The following CYP4F11 variants were observed in gnomAD, a reference collection of about 807,000 sequenced individuals.
The protein encoded by CYP4F11 is cytochrome P450 family 4 subfamily F member 11, also known as cytochrome P450 4F11.
In CYP4F11, 79 loss-of-function variants were observed where a neutral mutation model predicts 62.2. That is an observed-to-expected ratio of 1.27 (90% CI 1.06 to 1.53). CYP4F11 has a LOEUF of 1.53. Ranked by LOEUF, CYP4F11 falls within the 40% of genes most tolerant of loss-of-function variation. The pLI, the probability that CYP4F11 is intolerant of heterozygous loss-of-function variation, is 0.00. For missense variants in CYP4F11, 777 were observed against 680.5 expected, an observed-to-expected ratio of 1.14 and a Z score of -1.58; for synonymous variants, 290 against 263.7, an observed-to-expected ratio of 1.10 and a Z score of -0.97.
In CYP4F11 at chr19:15,922,397, T is replaced by C. The variant is rs372854467; in HGVS notation, c.952A>G (p.Ile318Val). Residue 318 changes from isoleucine to valine, a missense_variant, in exon 7 of 12, where the codon ATA becomes GTA. Coordinates refer to ENST00000402119, the MANE Select transcript of CYP4F11 (RefSeq NM_021187.4). ...ATGAAGGTGTCAGCTTCTGCTCTTA[T>C]GTCCTCATCAGACAATTCCTTCCCA... ...EDGKELSDED[I>V]RAEADTFMFE... is the part of the protein sequence containing the mutation. The C allele has an allele frequency of 2.2e-5, 35 of 1,614,184 alleles. No individual in the cohort carries two copies. In the African/African-American group the frequency reaches 4.3e-4, roughly 20 times the overall value.
chr19:15,917,989 A>G (rs2089595626), intron 8 of CYP4F11, among the ~76,000 whole-genome samples: 1 of 152,216 alleles, frequency 6.6e-6, no homozygotes, highest in Non-Finnish European at 1.5e-5. Flanking sequence ...ATGCATGCAT[A>G]TGTTCATTGC....
At chr19:15,929,333 C>T in intron 2 of CYP4F11, 124 bp downstream of exon 2, 4 of 1,291,556 alleles carry the variant, frequency 3.1e-6, no homozygotes, top group Non-Finnish European at 4.4e-6. Flanking sequence ...AGGAACATGG[C>T]TGAGAGAGAA....
rs549073641 is a variant in CYP4F11, at chr19:15,919,458, G to A, written c.1115+2579C>T. 3.8e-3 allele frequency among the ~76,000 whole-genome samples: 552 copies of A among 146,876 alleles called. 2 individuals carry two copies. Among genetic ancestry groups the A allele is most frequent in the African/African-American group, 0.013 (516 of 39,990 alleles). On this transcript the variant is annotated intron_variant, in intron 8 of 11. Transcript: ENST00000402119. Reference sequence around the variant, plus strand: ...TGGATGGATGGATGGATGGATGAACGGATGGACAGATGTATAGATAGATAG... The same window carrying A: ...TGGATGGATGGATGGATGGATGAACAGATGGACAGATGTATAGATAGATAG...
rs549921395 is a variant in CYP4F11 at position 15,921,129 on chromosome 19, C to A, written c.1115+908G>T. Among the ~76,000 whole-genome samples the A allele has an allele frequency of 8.7e-5, 13 of 149,556 alleles. No individual in the cohort carries two copies. The South Asian group carries it at 2.8e-3, about 32-fold the overall frequency. ...CCCTCTCTCTCTCACTCCCTCTCTCCTCCCTCGACCTTTGCCTAGGCTCTC... is the reference window on the plus strand; with the variant it reads ...CCCTCTCTCTCTCACTCCCTCTCTCATCCCTCGACCTTTGCCTAGGCTCTC... On this transcript the variant is annotated intron_variant, in intron 8 of 11. Transcript: ENST00000402119.
At chr19:15,919,348 T>TGGAA (rs2089605566) in intron 8 of CYP4F11, among the ~76,000 whole-genome samples, 1 of 147,468 alleles carries the variant, frequency 6.8e-6, no homozygotes, top group African/African-American at 2.5e-5. Context: ...GATAGATCGA[T>TGGAA]GGATGGATAG....
At chr19:15,923,184 G>C (rs1372473979) in intron 6 of CYP4F11, among the ~76,000 whole-genome samples, 1 of 150,202 alleles carries the variant, frequency 6.7e-6, no homozygotes, top group Non-Finnish European at 1.5e-5. Context: ...AAACCTACAG[G>C]CATGTCGATC....
At position 15,931,220 on chromosome 19, in the gene CYP4F11, C is replaced by G. The variant is rs143625299; in HGVS notation, c.199-1619G>C. Among the ~76,000 whole-genome samples, 14 of 151,892 alleles carry G rather than the reference C, an allele frequency of 9.2e-5. No homozygotes were observed. In the East Asian group the frequency reaches 2.5e-3, roughly 27 times the overall value. ...GACTGCCCACACTTCTCTTCTGGAC[C>G]CTCTGTGTCCCTGCGTATGGAAAGG... On this transcript the variant is annotated intron_variant, in intron 1 of 11. Coordinates refer to ENST00000402119, the MANE Select transcript of CYP4F11 (RefSeq NM_021187.4).
At chr19:15,929,634 G>A in intron 1 of CYP4F11, 33 bp from the exon 2 acceptor site, 1 of 1,553,300 alleles carries the variant, frequency 6.4e-7, no homozygotes, top group Non-Finnish European at 8.7e-7. Flanking sequence ...CAGCCCTTGT[G>A]ATGGTTAATT....
intron 1 of CYP4F11, among the ~76,000 whole-genome samples, chr19:15,931,552 A>ATGAGTGAGTGAGGAGAGGAG (rs1482717654): frequency 6.2e-5 from 7 of 112,072 alleles, no homozygotes; most frequent in Non-Finnish European, 1.4e-4. Flanking sequence ...GGGGAGAGGA[A>ATGAGTGAGTGAGGAGAGGAG]TGAGTGAGCG....
chr19:15,924,639 A>T (rs561599102), intron 5 of CYP4F11, 122 bp downstream of exon 5: 2 of 1,162,498 alleles, frequency 1.7e-6, no homozygotes, highest in East Asian at 5.5e-5. Context: ...TTCAAAGCCC[A>T]GCTATGACAC....
intron 8 of CYP4F11, among the ~76,000 whole-genome samples, chr19:15,920,500 T>C (rs2089617440): frequency 6.6e-6 from 1 of 152,220 alleles, no homozygotes; most frequent in Non-Finnish European, 1.5e-5. Flanking sequence ...AATGTGTAAT[T>C]TTGCTTGAAA....
Position 15,913,452 on chromosome 19 carries a change from T to C in CYP4F11, c.*280A>G. ...CCATTCTTAATCCTGTTCCCTCTCCTGCTCAAACACCTCCCAGGGCTCCCT... is the reference window on the plus strand; with the variant it reads ...CCATTCTTAATCCTGTTCCCTCTCCCGCTCAAACACCTCCCAGGGCTCCCT... On this transcript the variant is annotated 3_prime_UTR_variant, in exon 12 of 12. Transcript: ENST00000402119. The C allele has an allele frequency of 2.2e-6, 1 of 460,284 alleles. No homozygotes were observed. The highest frequency in any genetic ancestry group is 4.0e-6 in the Non-Finnish European group (1 of 248,912). The allele number at this position is 460,284 out of a possible 1,614,324, so 28.5% of individuals were successfully genotyped here.
chr19:15,927,012 G>A (rs569880683), intron 4 of CYP4F11, among the ~76,000 whole-genome samples, 200 bp downstream of exon 4: 2 of 152,316 alleles, frequency 1.3e-5, no homozygotes, highest in Admixed American at 1.3e-4. Context: ...CACACCTTTT[G>A]AGACATACTA....
At chr19:15,929,742 G>A (rs1053970421) in intron 1 of CYP4F11, 141 bp from the exon 2 acceptor site, 14 of 991,070 alleles carry the variant, frequency 1.4e-5, no homozygotes, top group East Asian at 7.8e-5. Flanking sequence ...TGTGTCCATC[G>A]GTGTATTTCC....
chr19:15,917,769 T>C (rs2089593970), intron 8 of CYP4F11, among the ~76,000 whole-genome samples: 2 of 152,042 alleles, frequency 1.3e-5, no homozygotes, highest in African/African-American at 2.4e-5. Flanking sequence ...TGTAAGATGA[T>C]CTCTTCCACA....
intron 5 of CYP4F11, among the ~76,000 whole-genome samples, chr19:15,924,443 T>A (rs964318774): frequency 6.6e-6 from 1 of 152,214 alleles, no homozygotes; most frequent in Non-Finnish European, 1.5e-5. Flanking sequence ...AGCGTCTACA[T>A]GACAGGCAGA....
chr19:15,929,637 G>C (rs1402760409), intron 1 of CYP4F11, 36 bp from the exon 2 acceptor site: 1 of 1,545,730 alleles, frequency 6.5e-7, no homozygotes, highest in Admixed American at 2.0e-5. Context: ...CCCTTGTGAT[G>C]GTTAATTCTA....
At position 15,929,480 on chromosome 19, in the gene CYP4F11, A is replaced by G; in HGVS notation, c.320T>C (p.Ile107Thr). Residue 107 changes from isoleucine (I) to threonine (T), a missense_variant, in exon 2 of 12, where the codon ATC becomes ACC. By Grantham distance (89) the Ile-to-Thr change is moderately conservative. Coordinates refer to ENST00000402119, the MANE Select transcript of CYP4F11 (RefSeq NM_021187.4). The part of the protein sequence containing the change: ...PLLILCHPDI[I>T]RPITSASAAV... ...ACCTGAGGCACTGGTGATAGGCCGG[A>G]TAATGTCAGGGTGGCATAAAATGAG... 1 of 1,614,130 alleles carries G rather than the reference A, an allele frequency of 6.2e-7. No homozygotes were observed. The highest frequency in any genetic ancestry group is 8.5e-7 in the Non-Finnish European group (1 of 1,180,026).
chr19:15,924,224 C>T, intron 5 of CYP4F11, 142 bp from the exon 6 acceptor site: 1 of 1,066,446 alleles, frequency 9.4e-7, no homozygotes. Context: ...TTCTCTGAGG[C>T]ATTCCATCTC....
Sources: gnomAD v4.1 joint callset for allele counts (sites outside exome capture counted in the v4.1 genomes callset) on GRCh38, gnomAD v4.1.1 for gene constraint, MANE v1.5 for transcripts, NCBI Gene and HGNC (gene_info 2026-07-23, HGNC 2026-07-21) for gene names.